CIAO2B: variants seen among roughly 807,000 people sequenced by gnomAD.
CIAO2B encodes the protein MSS19-interacting protein of 18 kDa.
In CIAO2B, 20 loss-of-function variants were observed where a neutral mutation model predicts 16.4. The ratio of observed to expected loss-of-function variants is 1.22; its 90% CI spans 0.86 to 1.77. CIAO2B has a LOEUF of 1.77. Among genes scored for constraint, CIAO2B ranks in the 40% most tolerant of loss-of-function variants. The pLI, the probability that CIAO2B is intolerant of heterozygous loss-of-function variation, is 0.00. For synonymous variants in CIAO2B, 106 were observed against 90.4 expected, an observed-to-expected ratio of 1.17 and a Z score of -0.98; for missense variants, 215 against 222.4, an observed-to-expected ratio of 0.97 and a Z score of 0.21.
Position 66,933,632 on chromosome 16 carries a change from G to A in CIAO2B, c.330C>T (p.Ser110=), listed in dbSNP as rs932951298. 1 of 1,609,628 alleles carries A rather than the reference G, an allele frequency of 6.2e-7. No homozygotes were observed. The highest frequency in any genetic ancestry group is 2.2e-5 in the East Asian group (1 of 44,776). The change falls in exon 3 of 5, where the codon TCC becomes TCT. Residue 110 remains serine (S), a synonymous_variant. Coordinates refer to ENST00000422424, the MANE Select transcript of CIAO2B (RefSeq NM_016062.4). ...AACTGACCTTGAAACGCTGAGGAAG[G>A]GAGCGCAGAAGCTTGACCTTGATGG... The part of the protein sequence containing the change: ...GLSIKVKLLR[S]LPQRFKMDVH...
At position 66,934,206 on chromosome 16, in the gene CIAO2B, C is replaced by T. The variant is rs1264811397; in HGVS notation, c.142+17G>A. 1 of 1,608,204 alleles carries T rather than the reference C, an allele frequency of 6.2e-7. No homozygotes were observed. Among genetic ancestry groups the T allele is most frequent in the Admixed American group, 1.7e-5 (1 of 59,788 alleles). ...GCAAGCCCCCGGAACCCGCCCGCGC[C>T]CAGCAGCGGCGGATATCGAAGATCT... On this transcript the variant is annotated intron_variant, in intron 1 of 4. Transcript: ENST00000422424. This position sits in a 1 kb window ranked among gnomAD's most constrained non-coding sequence, Gnocchi z 4.1.
At position 66,934,070 on chromosome 16, in the gene CIAO2B, G is replaced by C. The variant is rs759638964; in HGVS notation, c.143-4C>G. 3 of 1,613,588 alleles carry C rather than the reference G, an allele frequency of 1.9e-6. No homozygotes were observed. Among genetic ancestry groups the C allele is most frequent in the Non-Finnish European group, 2.5e-6 (3 of 1,179,818 alleles). Reference sequence around the variant, plus strand: ...TCATTGATGGAGCGAATCAGATGTGGGAAGTGAAGGAAAAGGGACTCTGCG... The same window carrying C: ...TCATTGATGGAGCGAATCAGATGTGCGAAGTGAAGGAAAAGGGACTCTGCG... On this transcript the variant is annotated splice_region_variant and splice_polypyrimidine_tract_variant and intron_variant, in intron 1 of 4. Coordinates refer to ENST00000422424, the MANE Select transcript of CIAO2B (RefSeq NM_016062.4). The surrounding 1 kb of genome is among the most constrained non-coding windows in gnomAD (Gnocchi z 4.1).
rs764355457 is a variant in CIAO2B at position 66,933,655 on chromosome 16, T to C, written c.307A>G (p.Ile103Val). 2 of 1,607,832 alleles carry C rather than the reference T, an allele frequency of 1.2e-6. No individual in the cohort carries two copies. Among genetic ancestry groups the C allele is most frequent in the Admixed American group, 1.7e-5 (1 of 59,224 alleles). ...CSMATLIGLS[I>V]KVKLLRSLPQ... is the part of the protein sequence containing the mutation. ...AGGGAGCGCAGAAGCTTGACCTTGA[T>C]GGACAGACCAATAAGGGTGGCCATG... The change falls in exon 3 of 5, where the codon ATC (isoleucine) becomes GTC (valine). Residue 103 changes from isoleucine (I) to valine (V), a missense_variant. Coordinates refer to ENST00000422424, the MANE Select transcript of CIAO2B (RefSeq NM_016062.4).
Position 66,933,986 on chromosome 16 carries a change from C to T in CIAO2B, c.222+1G>A. ...ACTCGCTCCCCTCGGAAGTGACTCACCTGAACCCGCACCTGCTCTACTACG... is the reference window on the plus strand; with the variant it reads ...ACTCGCTCCCCTCGGAAGTGACTCATCTGAACCCGCACCTGCTCTACTACG... On this transcript the variant is annotated splice_donor_variant, in intron 2 of 4. Coordinates refer to ENST00000422424, the MANE Select transcript of CIAO2B (RefSeq NM_016062.4). LOFTEE classifies it high-confidence loss of function. 1 of 1,613,688 alleles carries T rather than the reference C, an allele frequency of 6.2e-7. No homozygotes were observed. Among genetic ancestry groups the T allele is most frequent in the South Asian group, 1.1e-5 (1 of 91,026 alleles).
At position 66,933,656 on chromosome 16, in the gene CIAO2B, G is replaced by A. The variant is rs751204168; in HGVS notation, c.306C>T (p.Ser102=). 15 of 1,607,852 alleles carry A rather than the reference G, an allele frequency of 9.3e-6. No individual in the cohort carries two copies. The highest frequency in any genetic ancestry group is 1.7e-4 in the Middle Eastern group (1 of 6,046). The change falls in exon 3 of 5, where the codon TCC becomes TCT. Residue 102 remains serine, a synonymous_variant. Coordinates refer to ENST00000422424, the MANE Select transcript of CIAO2B (RefSeq NM_016062.4). ...HCSMATLIGL[S]IKVKLLRSLP... ...GGGAGCGCAGAAGCTTGACCTTGAT[G>A]GACAGACCAATAAGGGTGGCCATGC... is the stretch of plus-strand genomic sequence containing the variant.
At chr16:66,933,411 A>G (rs1963101062) in intron 3 of CIAO2B, 1 of 737,320 alleles carries the variant, frequency 1.4e-6, no homozygotes, top group Non-Finnish European at 2.1e-6. Flanking sequence ...CACACTCTTC[A>G]ATACTTTTCT....
chr16:66,933,771 C>G (rs1267299129), intron 2 of CIAO2B, 32 bp from the exon 3 acceptor site: 2 of 1,550,478 alleles, frequency 1.3e-6, no homozygotes, highest in Non-Finnish European at 1.7e-6. Flanking sequence ...CAAGAGTCAA[C>G]CACCCTCAGC....
intron 4 of CIAO2B, 125 bp from the exon 5 acceptor site, chr16:66,932,425 AC>A: frequency 1.3e-6 from 1 of 793,266 alleles, no homozygotes; most frequent in Non-Finnish European, 2.2e-6. Context: ...CCCTCCTGTC[AC>A]CTCCTTCCCA....
Position 66,934,354 on chromosome 16 carries a change from C to A in CIAO2B, c.11G>T (p.Gly4Val). Reference protein sequence around the residue: MVGGGGVGGGLLEN... With the variant: MVGVGGVGGGLLEN... ...CAGGAGGCCGCCGCCGACCCCGCCG[C>A]CGCCTACCATCGCGGAACCACCACC... The change falls in exon 1 of 5, where the codon GGC becomes GTC. Residue 4 changes from glycine (G) to valine (V), a missense_variant. Transcript: ENST00000422424. This position sits in a 1 kb window ranked among gnomAD's most constrained non-coding sequence, Gnocchi z 4.1. 6.4e-7 allele frequency: 1 copy of A among 1,565,346 alleles called. No homozygotes were observed. Among genetic ancestry groups the A allele is most frequent in the African/African-American group, 1.3e-5 (1 of 74,080 alleles).
At position 66,932,065 on chromosome 16, in the gene CIAO2B, T is replaced by C; in HGVS notation, c.*138A>G. ...AAAGACACCAAGGCATGCTGGGAAC[T>C]GAATATAAATTAACTTTATTACAAA... On this transcript the variant is annotated 3_prime_UTR_variant, in exon 5 of 5. Transcript: ENST00000422424. The C allele has an allele frequency of 1.7e-6, 1 of 602,034 alleles. No homozygotes were observed. The highest frequency in any genetic ancestry group is 2.5e-5 in the South Asian group (1 of 39,744). 37.3% of individuals were successfully genotyped at this position (602,034 alleles called of 1,614,324 possible). A position where few individuals can be genotyped will look rare whatever the true frequency, so the allele number is the denominator to read the frequency against.
intron 4 of CIAO2B, 194 bp downstream of exon 4, chr16:66,932,586 G>C: frequency 1.3e-6 from 1 of 748,854 alleles, no homozygotes; most frequent in Non-Finnish European, 2.4e-6. Context: ...GGGAGAAGAG[G>C]ACATGGTAAG....
intron 3 of CIAO2B, chr16:66,933,383 C>A (rs1265431140): frequency 3.4e-6 from 2 of 582,952 alleles, no homozygotes; most frequent in Admixed American, 6.4e-5. Context: ...ATCTGCCGCT[C>A]CCTACTGCCC....
At position 66,933,695 on chromosome 16, in the gene CIAO2B, G is replaced by A. The variant is rs967025860; in HGVS notation, c.267C>T (p.Thr89=). 6 of 1,588,192 alleles carry A rather than the reference G, an allele frequency of 3.8e-6. No homozygotes were observed. Among genetic ancestry groups the A allele is most frequent in the South Asian group, 2.3e-5 (2 of 87,274 alleles). ...GGGTGGCCATGCTGCAGTGCGGAAT[G>A]GTTGGTGTGAAAGCCACAGCCACTG... ...ESTVAVAFTP[T]IPHCSMATLI... The change falls in exon 3 of 5, where the codon ACC becomes ACT. Residue 89 remains threonine (T), a synonymous_variant. Transcript: ENST00000422424.
chr16:66,932,589 A>T (rs963464967), intron 4 of CIAO2B, 191 bp downstream of exon 4: 1 of 752,200 alleles, frequency 1.3e-6, no homozygotes, highest in Non-Finnish European at 2.4e-6. Context: ...AGAAGAGGAC[A>T]TGGTAAGCAA....
At position 66,934,032 on chromosome 16, in the gene CIAO2B, T is replaced by C. The variant is rs768095586; in HGVS notation, c.177A>G (p.Pro59=). The part of the protein sequence containing the change: ...LIRSINDPEH[P]LTLEELNVVE... Reference sequence around the variant, plus strand: ...CTACGTTCAACTCCTCTAGCGTCAGTGGATGCTCCGGGTCATTGATGGAGC... The same window carrying C: ...CTACGTTCAACTCCTCTAGCGTCAGCGGATGCTCCGGGTCATTGATGGAGC... Residue 59 remains proline (P), a synonymous_variant, in exon 2 of 5, where the codon CCA becomes CCG. Transcript: ENST00000422424. This position sits in a 1 kb window ranked among gnomAD's most constrained non-coding sequence, Gnocchi z 4.1. 3.1e-6 allele frequency: 5 copies of C among 1,613,732 alleles called. No homozygotes were observed. The highest frequency in any genetic ancestry group is 4.2e-6 in the Non-Finnish European group (5 of 1,179,860).
Position 66,932,199 on chromosome 16 carries a change from A to T in CIAO2B, c.*4T>A, listed in dbSNP as rs1368097980. On this transcript the variant is annotated 3_prime_UTR_variant, in exon 5 of 5. Coordinates refer to ENST00000422424, the MANE Select transcript of CIAO2B (RefSeq NM_016062.4). ...TATGCAGGCTGAGGGGTCAAAGGCC[A>T]GGCTCAGGAGCGGGCTGACAGGCAC... 1 of 1,610,206 alleles carries T rather than the reference A, an allele frequency of 6.2e-7. No homozygotes were observed. The highest frequency in any genetic ancestry group is 1.3e-5 in the African/African-American group (1 of 74,886).
chr16:66,933,436 A>G (rs998393392), intron 3 of CIAO2B, 178 bp downstream of exon 3: 5 of 857,110 alleles, frequency 5.8e-6, no homozygotes, highest in Admixed American at 5.8e-5. Context: ...TTTCCAGCTC[A>G]GATCTTTATT....
Position 66,932,738 on chromosome 16 carries a change from G to C in CIAO2B, c.394+42C>G, listed in dbSNP as rs147772978. 26 of 1,589,156 alleles carry C rather than the reference G, an allele frequency of 1.6e-5. No individual in the cohort carries two copies. In the East Asian group the frequency reaches 2.8e-4, roughly 17 times the overall value. On this transcript the variant is annotated intron_variant, in intron 4 of 4. Transcript: ENST00000422424. The stretch of plus-strand genomic sequence containing the variant: ...AAGGGGGAAGCCTCAGACTGCTTAG[G>C]GGGTGCCCGGGCCAACACCCTCACC...
chr16:66,932,361 AG>A, intron 4 of CIAO2B, 61 bp from the exon 5 acceptor site: 1 of 1,361,820 alleles, frequency 7.3e-7, no homozygotes, highest in Non-Finnish European at 1.0e-6. Flanking sequence ...CCAGAGTGCT[AG>A]CCAGCCCTAC....
Sources: gnomAD v4.1 joint callset for allele counts on GRCh38, gnomAD v4.1.1 for gene constraint, Gnocchi (gnomAD v3.1) non-coding constraint, MANE v1.5 for transcripts, NCBI Gene and HGNC (gene_info 2026-07-23, HGNC 2026-07-21) for gene names.